RAB1A: variants seen among roughly 807,000 people sequenced by gnomAD.
RAB1A encodes the protein ras-related protein Rab-1A.
In RAB1A, 2 loss-of-function variants were observed where a neutral mutation model predicts 26.0. That is an observed-to-expected ratio of 0.08 (90% CI 0.03 to 0.24). The LOEUF is 0.24. RAB1A is among the 10% of genes least tolerant of loss of function. RAB1A has a pLI of 1.00. For missense variants in RAB1A, 100 were observed against 247.0 expected (o/e 0.40, Z 3.99); for synonymous variants, 84 against 84.9 (o/e 0.99, Z 0.06).
intron 1 of RAB1A, among the ~76,000 whole-genome samples, chr2:65,110,059 C>A (rs1323932069): frequency 6.6e-6 from 1 of 152,150 alleles, no homozygotes; most frequent in African/African-American, 2.4e-5. Context: ...TTGTGAGATA[C>A]AGCTACAGAA....
In RAB1A at chr2:65,122,164, A is replaced by T. The variant is rs1420218863; in HGVS notation, c.23+7729T>A. Among the ~76,000 whole-genome samples the T allele has an allele frequency of 2.8e-3, 50 of 17,990 alleles. 1 individual carries two copies. Among genetic ancestry groups the T allele is most frequent in the African/African-American group, 0.011 (48 of 4,540 alleles). 11.8% of individuals were successfully genotyped at this position (17,990 alleles called of 152,430 possible). On this transcript the variant is annotated intron_variant, in intron 1 of 5. Coordinates refer to ENST00000409784, the MANE Select transcript of RAB1A (RefSeq NM_004161.5). Reference sequence around the variant, plus strand: ...GAGCAAGACTCTATCTCAAAAAAAAAAAAAAAAAAAAAAAAAAAAAAGCTG... The same window carrying T: ...GAGCAAGACTCTATCTCAAAAAAAATAAAAAAAAAAAAAAAAAAAAAGCTG...
At chr2:65,126,451 C>A (rs1249725028) in intron 1 of RAB1A, among the ~76,000 whole-genome samples, 5 of 150,458 alleles carry the variant, frequency 3.3e-5, no homozygotes, top group South Asian at 2.1e-4. Flanking sequence ...AAAAAAAAAA[C>A]AAAACAAACA....
chr2:65,127,927 G>A (rs1370233134), intron 1 of RAB1A, among the ~76,000 whole-genome samples: 1 of 152,022 alleles, frequency 6.6e-6, no homozygotes, highest in Non-Finnish European at 1.5e-5. Flanking sequence ...GTAGAGACGG[G>A]GTTTCACCGT....
intron 2 of RAB1A, among the ~76,000 whole-genome samples, chr2:65,103,379 A>AT (rs1669482090): frequency 6.6e-6 from 1 of 151,890 alleles, no homozygotes; most frequent in African/African-American, 2.4e-5. Flanking sequence ...ATGGATCAAC[A>AT]TTTTTCAAAA....
chr2:65,103,095 C>T (rs544050304), intron 2 of RAB1A, among the ~76,000 whole-genome samples: 2 of 151,802 alleles, frequency 1.3e-5, no homozygotes, highest in Non-Finnish European at 2.9e-5. Context: ...GCACATGCAT[C>T]GCTTGAGCTC....
At chr2:65,113,894 C>T (rs1669761561) in intron 1 of RAB1A, among the ~76,000 whole-genome samples, 1 of 152,154 alleles carries the variant, frequency 6.6e-6, no homozygotes, top group Non-Finnish European at 1.5e-5. Flanking sequence ...CTTCTTTATA[C>T]CTTTTTAACA....
At chr2:65,124,278 G>T (rs986210103) in intron 1 of RAB1A, among the ~76,000 whole-genome samples, 1 of 152,120 alleles carries the variant, frequency 6.6e-6, no homozygotes, top group Non-Finnish European at 1.5e-5. Context: ...ACCTCGCCCA[G>T]CCAAAAGCGG....
chr2:65,094,500 C>T (rs1193181102), intron 3 of RAB1A, among the ~76,000 whole-genome samples: 3 of 151,506 alleles, frequency 2.0e-5, no homozygotes, highest in Admixed American at 2.0e-4. Context: ...AGAAGAATCG[C>T]TTGAACCTGG....
intron 3 of RAB1A, among the ~76,000 whole-genome samples, chr2:65,095,123 A>G (rs1027206352): frequency 6.6e-6 from 1 of 152,204 alleles, no homozygotes; most frequent in Non-Finnish European, 1.5e-5. Context: ...TGTCTCAGAA[A>G]AAAGAAAAAA....
At chr2:65,117,346 A>C (rs371297189) in intron 1 of RAB1A, among the ~76,000 whole-genome samples, 2 of 151,836 alleles carry the variant, frequency 1.3e-5, no homozygotes, top group African/African-American at 4.8e-5. Context: ...CTACAGGTGC[A>C]CACTACCATG....
At chr2:65,126,824 C>T (rs1198368493) in intron 1 of RAB1A, among the ~76,000 whole-genome samples, 1 of 152,204 alleles carries the variant, frequency 6.6e-6, no homozygotes, top group Admixed American at 6.5e-5. Context: ...TGATAAAACA[C>T]TAAAGAACTT....
intron 1 of RAB1A, among the ~76,000 whole-genome samples, chr2:65,121,235 GAAA>G (rs34280362): frequency 1.1e-5 from 1 of 91,388 alleles, no homozygotes; most frequent in Admixed American, 1.3e-4. Context: ...ATCATGTCTC[GAAA>G]AAAAAAAAAA....
intron 1 of RAB1A, among the ~76,000 whole-genome samples, chr2:65,110,957 AAAG>A (rs1179271722): frequency 6.6e-6 from 1 of 152,104 alleles, no homozygotes; most frequent in African/African-American, 2.4e-5. Flanking sequence ...ATTAAGGAAA[AAAG>A]AAAAAGAAAA....
At chr2:65,107,255 G>T (rs763055932) in intron 1 of RAB1A, among the ~76,000 whole-genome samples, 5 of 151,682 alleles carry the variant, frequency 3.3e-5, no homozygotes, top group Admixed American at 1.3e-4. Flanking sequence ...TAGTAAAGAC[G>T]GGAGTTTCAT....
chr2:65,097,822 A>G (rs1035458833), intron 3 of RAB1A, 149 bp downstream of exon 3: 29 of 447,278 alleles, frequency 6.5e-5, no homozygotes, highest in Middle Eastern at 5.7e-4. Context: ...TAATCTAAGT[A>G]ATTCTTATTC....
At chr2:65,096,475 C>T (rs985199253) in intron 3 of RAB1A, among the ~76,000 whole-genome samples, 5 of 152,174 alleles carry the variant, frequency 3.3e-5, no homozygotes, top group African/African-American at 7.2e-5. Flanking sequence ...GTTTCACACA[C>T]GAATACACAC....
chr2:65,129,775 C>T lies in RAB1A; in HGVS notation c.23+118G>A, dbSNP rs1670195061. The T allele has an allele frequency of 3.4e-6, 5 of 1,481,926 alleles. No individual in the cohort carries two copies. The South Asian group carries it at 6.1e-5, about 18-fold the overall frequency. 91.8% of individuals were successfully genotyped at this position (1,481,926 alleles called of 1,614,324 possible). ...TCCCGGCCGCCAGCCTCTCCTGACC[C>T]ATCACCCTCGCCTCACCCCAGCCGA... On this transcript the variant is annotated intron_variant, in intron 1 of 5. Coordinates refer to ENST00000409784, the MANE Select transcript of RAB1A (RefSeq NM_004161.5).
At chr2:65,120,393 T>C (rs531821371) in intron 1 of RAB1A, among the ~76,000 whole-genome samples, 1 of 146,456 alleles carries the variant, frequency 6.8e-6, no homozygotes, top group East Asian at 2.0e-4. Context: ...GAGGTGGAGG[T>C]TGCAGTGAGC....
intron 1 of RAB1A, among the ~76,000 whole-genome samples, chr2:65,118,156 T>A (rs761925756): frequency 1.3e-5 from 2 of 152,228 alleles, no homozygotes; most frequent in Non-Finnish European, 2.9e-5. Flanking sequence ...AAGCATCAAG[T>A]GTTCTGGAGT....
Sources: gnomAD v4.1 joint callset for allele counts (sites outside exome capture counted in the v4.1 genomes callset) on GRCh38, gnomAD v4.1.1 for gene constraint, MANE v1.5 for transcripts, NCBI Gene and HGNC (gene_info 2026-07-23, HGNC 2026-07-21) for gene names.